Variants in ZCCHC14 observed in about 807,000 individuals in gnomAD.
ZCCHC14 encodes zinc finger CCHC domain-containing protein 14.
In ZCCHC14, 16 loss-of-function variants were observed where a neutral mutation model predicts 85.0. That is an observed-to-expected ratio of 0.19 (90% CI 0.13 to 0.29). The LOEUF is 0.29. Ranked by LOEUF, ZCCHC14 falls within the 10% of genes least tolerant of loss-of-function variation. ZCCHC14 has a pLI of 1.00. For synonymous variants in ZCCHC14, 775 were observed against 630.7 expected (o/e 1.23, Z -3.43); for missense variants, 1,303 against 1,443.5 (o/e 0.90, Z 1.58).
chr16:87,414,078 G>A (rs1908633011), intron 10 of ZCCHC14, among the ~76,000 whole-genome samples: 1 of 152,210 alleles, frequency 6.6e-6, no homozygotes, highest in African/African-American at 2.4e-5. Flanking sequence ...AGAACACAAG[G>A]CCCTCTCTGT....
At chr16:87,461,086 G>C (rs1300567045) in intron 1 of ZCCHC14, among the ~76,000 whole-genome samples, 1 of 152,244 alleles carries the variant, frequency 6.6e-6, no homozygotes, top group East Asian at 1.9e-4. Context: ...AGCACAGACA[G>C]TGTACCTGCA....
intron 9 of ZCCHC14, among the ~76,000 whole-genome samples, chr16:87,414,885 A>C (rs1033040128): frequency 6.6e-6 from 1 of 152,196 alleles, no homozygotes; most frequent in South Asian, 2.1e-4. Flanking sequence ...GTTTGAGATC[A>C]GCTTGGCCAA....
At position 87,410,040 on chromosome 16, in the gene ZCCHC14, G is replaced by T. The variant is rs537474148; in HGVS notation, c.*240C>A. 6.8e-5 allele frequency: 26 copies of T among 383,650 alleles called. No homozygotes were observed. The highest frequency in any genetic ancestry group is 3.8e-4 in the Admixed American group (8 of 20,972). 23.8% of individuals were successfully genotyped at this position (383,650 alleles called of 1,614,324 possible). A position where few individuals can be genotyped will look rare whatever the true frequency, so the allele number is the denominator to read the frequency against. ...ACTGCAACCAAAAGTGGAGGTGGCC[G>T]ATCTCACCAGCCACAGAGATGCCCA... On this transcript the variant is annotated 3_prime_UTR_variant, in exon 13 of 13. Transcript: ENST00000671377.
chr16:87,448,404 C>T (rs1910540437), intron 2 of ZCCHC14, among the ~76,000 whole-genome samples: 1 of 152,170 alleles, frequency 6.6e-6, no homozygotes, highest in Non-Finnish European at 1.5e-5. Context: ...TGCGTCTCGA[C>T]ATGGGTGTTT....
intron 8 of ZCCHC14, among the ~76,000 whole-genome samples, chr16:87,417,148 G>A (rs754488664): frequency 5.3e-5 from 8 of 152,156 alleles, no homozygotes; most frequent in South Asian, 2.1e-4. Flanking sequence ...AAGGGGCACC[G>A]TGCCAGAGCT....
At chr16:87,469,532 GT>G (rs1911685459) in intron 1 of ZCCHC14, among the ~76,000 whole-genome samples, 1 of 152,084 alleles carries the variant, frequency 6.6e-6, no homozygotes. Flanking sequence ...CCCCTGTTTC[GT>G]CCACTATGGG....
At chr16:87,419,346 G>C (rs1295836004) in intron 6 of ZCCHC14, among the ~76,000 whole-genome samples, 1 of 152,016 alleles carries the variant, frequency 6.6e-6, no homozygotes, top group African/African-American at 2.4e-5. Context: ...TGTCAACCAT[G>C]CTGGAGTGCA....
At chr16:87,480,532 TA>T (rs1277777249) in intron 1 of ZCCHC14, among the ~76,000 whole-genome samples, 1 of 152,112 alleles carries the variant, frequency 6.6e-6, no homozygotes, top group Non-Finnish European at 1.5e-5. Flanking sequence ...ATTAAAAAGA[TA>T]AAAAGTATGA....
intron 2 of ZCCHC14, among the ~76,000 whole-genome samples, chr16:87,433,878 A>C (rs1909783824): frequency 6.6e-6 from 1 of 151,754 alleles, no homozygotes; most frequent in African/African-American, 2.4e-5. Context: ...TCCTGACCTC[A>C]GGTGATCCGC....
At chr16:87,475,799 C>T (rs749820522) in intron 1 of ZCCHC14, among the ~76,000 whole-genome samples, 1 of 151,910 alleles carries the variant, frequency 6.6e-6, no homozygotes, top group Non-Finnish European at 1.5e-5. Context: ...AGCTGGAGTC[C>T]CATAAGGAGA....
At chr16:87,424,775 C>T (rs1180048906) in intron 3 of ZCCHC14, among the ~76,000 whole-genome samples, 1 of 152,048 alleles carries the variant, frequency 6.6e-6, no homozygotes, top group Non-Finnish European at 1.5e-5. Context: ...AAGAAGTTAG[C>T]TACAGGATTG....
Position 87,420,669 on chromosome 16 carries a change from G to C in ZCCHC14, c.888C>G (p.Cys296Trp). ...CATAAAATGCGTCCGGACCAGCTAA[G>C]CAAGGAATGAGTTTCTCCAAGTTCT... ...PEENLEKLIP[C>W]LAGPDAFYVE... Residue 296 changes from cysteine (C) to tryptophan (W), a missense_variant, in exon 5 of 13, where the codon TGC becomes TGG. Physicochemically the swap from Cys to Trp is radical, Grantham distance 215. This residue lies in a region of ZCCHC14 where 389 missense variants were observed against 397.8 expected (regional missense o/e 0.98). Coordinates refer to ENST00000671377, the MANE Select transcript of ZCCHC14 (RefSeq NM_015144.3). This position sits in a 1 kb window ranked among gnomAD's most constrained non-coding sequence, Gnocchi z 5.0. 6.2e-7 allele frequency: 1 copy of C among 1,613,912 alleles called. No homozygotes were observed. The highest frequency in any genetic ancestry group is 8.5e-7 in the Non-Finnish European group (1 of 1,179,888).
chr16:87,412,955 C>G lies in ZCCHC14; in HGVS notation c.1766G>C (p.Ser589Thr). ...CATCACCGGCTTCTCCTTGTCAGAG[C>G]TCTCCAAGTGAATCTCCACACCTAG... ...NDRRVEIHLE[S>T]SDKEKPVMLL... The change falls in exon 12 of 13, where the codon AGC becomes ACC. Residue 589 changes from serine to threonine, a missense_variant. Ser to Thr is a moderately conservative substitution (Grantham distance 58). This residue lies in a region of ZCCHC14 where 797 missense variants were observed against 730.8 expected (regional missense o/e 1.09). Transcript: ENST00000671377. 1 of 1,608,520 alleles carries G rather than the reference C, an allele frequency of 6.2e-7. No individual in the cohort carries two copies. The highest frequency in any genetic ancestry group is 8.5e-7 in the Non-Finnish European group (1 of 1,177,118).
intron 12 of ZCCHC14, chr16:87,411,272 G>T: frequency 8.5e-7 from 1 of 1,173,388 alleles, no homozygotes; most frequent in Non-Finnish European, 1.2e-6. Context: ...GGGAGGCCCT[G>T]TCCACACTGG....
chr16:87,458,699 G>T (rs1008500585), intron 2 of ZCCHC14, among the ~76,000 whole-genome samples: 1 of 152,218 alleles, frequency 6.6e-6, no homozygotes, highest in Non-Finnish European at 1.5e-5. Context: ...GCCAGGGACG[G>T]GGACGGTGCG....
At position 87,466,651 on chromosome 16, in the gene ZCCHC14, G is replaced by A. The variant is rs534824213; in HGVS notation, c.571-6520C>T. The stretch of plus-strand genomic sequence containing the variant: ...CTGTGGGTCTCAGCTCACTTCACAG[G>A]AGCGCTGAGCATGAAGGAGACTTGA... On this transcript the variant is annotated intron_variant, in intron 1 of 12. Transcript: ENST00000671377. Among the ~76,000 whole-genome samples, 8 of 152,356 alleles carry A rather than the reference G, an allele frequency of 5.3e-5. No homozygotes were observed. The South Asian group carries it at 1.7e-3, about 32-fold the overall frequency.
At chr16:87,468,251 T>C (rs1364744124) in intron 1 of ZCCHC14, among the ~76,000 whole-genome samples, 1 of 152,188 alleles carries the variant, frequency 6.6e-6, no homozygotes. Context: ...TTCAGGTTTC[T>C]TCCTTAAATA....
chr16:87,468,640 T>C (rs1399806864), intron 1 of ZCCHC14, among the ~76,000 whole-genome samples: 3 of 152,234 alleles, frequency 2.0e-5, no homozygotes, highest in Admixed American at 2.0e-4. Flanking sequence ...ACTTAACTTA[T>C]AAAGTCTTAT....
At position 87,415,358 on chromosome 16, in the gene ZCCHC14, G is replaced by A; in HGVS notation, c.1393C>T (p.Leu465Phe). 1 of 1,613,366 alleles carries A rather than the reference G, an allele frequency of 6.2e-7. No homozygotes were observed. Among genetic ancestry groups the A allele is most frequent in the Non-Finnish European group, 8.5e-7 (1 of 1,179,826 alleles). The change falls in exon 9 of 13, where the codon CTT (leucine) becomes TTT (phenylalanine). Residue 465 changes from leucine (L) to phenylalanine (F), a missense_variant. Physicochemically the swap from Leu to Phe is conservative, Grantham distance 22 (BLOSUM62 0). Coordinates refer to ENST00000671377, the MANE Select transcript of ZCCHC14 (RefSeq NM_015144.3). ...AATTTATTCAGATCTTCTTCAGTAA[G>A]GCTCAAAAACTTTCACAGAAAAAAC... Reference protein sequence around the residue: ...KQLSMEKFLSLTEEDLNKFES... With the variant: ...KQLSMEKFLSFTEEDLNKFES...
Sources: gnomAD v4.1 joint callset for allele counts (sites outside exome capture counted in the v4.1 genomes callset) on GRCh38, gnomAD v4.1.1 for gene constraint, gnomAD v4.1.1 regional missense constraint, Gnocchi (gnomAD v3.1) non-coding constraint, MANE v1.5 for transcripts, NCBI Gene and HGNC (gene_info 2026-07-23, HGNC 2026-07-21) for gene names.